SRPK1: variants seen among roughly 807,000 people sequenced by gnomAD.
SRPK1 encodes SRSF protein kinase 1.
Under a neutral mutation model 89.5 loss-of-function variants are expected in SRPK1, and 52 were observed. That is an observed-to-expected ratio of 0.58 (90% CI 0.46 to 0.73). The LOEUF is 0.73. Ranked by LOEUF, SRPK1 falls within the 30% of genes least tolerant of loss-of-function variation. The pLI is 0.00. For missense variants in SRPK1, 603 were observed against 780.6 expected, an observed-to-expected ratio of 0.77 and a Z score of 2.71; for synonymous variants, 255 against 270.2, an observed-to-expected ratio of 0.94 and a Z score of 0.55.
intron 2 of SRPK1, among the ~76,000 whole-genome samples, chr6:35,907,351 TA>T (rs1476946294): frequency 6.6e-6 from 1 of 152,176 alleles, no homozygotes; most frequent in African/African-American, 2.4e-5. Context: ...AGCTATGCTT[TA>T]AAAAAATTAA....
At chr6:35,880,138 A>G (rs1770240597) in intron 6 of SRPK1, among the ~76,000 whole-genome samples, 2 of 151,776 alleles carry the variant, frequency 1.3e-5, no homozygotes, top group African/African-American at 4.8e-5. Context: ...AGAAAACAAT[A>G]TATAAACAAA....
rs1369422853 is a variant in SRPK1 at position 35,910,526 on chromosome 6, A to G, written c.74+9942T>C. Among the ~76,000 whole-genome samples the G allele has an allele frequency of 4.6e-5, 7 of 152,214 alleles. No individual in the cohort carries two copies. The South Asian group carries it at 1.2e-3, about 27-fold the overall frequency. On this transcript the variant is annotated intron_variant, in intron 2 of 15. Transcript: ENST00000373825. ...AAGGTAAAGCAGTGAGTGCTGATGAAAAAGCTGCAGCAAGTTACCTAGATG... is the reference window on the plus strand; with the variant it reads ...AAGGTAAAGCAGTGAGTGCTGATGAGAAAGCTGCAGCAAGTTACCTAGATG...
At chr6:35,884,546 C>T (rs972399260) in intron 6 of SRPK1, among the ~76,000 whole-genome samples, 1 of 152,064 alleles carries the variant, frequency 6.6e-6, no homozygotes, top group Non-Finnish European at 1.5e-5. Flanking sequence ...TGAGTTATAT[C>T]CTTTCAATCT....
intron 10 of SRPK1, 94 bp from the exon 11 acceptor site, chr6:35,869,995 T>A: frequency 7.4e-7 from 1 of 1,346,892 alleles, no homozygotes; most frequent in Non-Finnish European, 1.0e-6. Flanking sequence ...TTTCTAGAAC[T>A]TATACTGAGT....
intron 2 of SRPK1, among the ~76,000 whole-genome samples, chr6:35,898,039 A>G (rs955225724): frequency 1.3e-5 from 2 of 152,240 alleles, no homozygotes; most frequent in Admixed American, 6.5e-5. Context: ...AATGTTTACT[A>G]TATTTGAAAA....
intron 2 of SRPK1, among the ~76,000 whole-genome samples, chr6:35,918,568 A>C (rs1311460694): frequency 6.6e-6 from 1 of 152,226 alleles, no homozygotes; most frequent in African/African-American, 2.4e-5. Context: ...TATTAATTGG[A>C]AACAAATCCA....
rs184261946 is a variant in SRPK1, at chr6:35,895,825, A to T, written c.75-4812T>A. 3 of 152,292 alleles carry T rather than the reference A, an allele frequency of 2.0e-5. No individual in the cohort carries two copies. The East Asian group carries it at 5.8e-4, about 29-fold the overall frequency. 9.4% of individuals were successfully genotyped at this position (152,292 alleles called of 1,614,324 possible). A position where few individuals can be genotyped will look rare whatever the true frequency, so the allele number is the denominator to read the frequency against. ...GTCCAATCACATTTCTACACAGTTG[A>T]CCATGCTTTGTTCATGCCTATCCAA... On this transcript the variant is annotated intron_variant, in intron 2 of 15. Coordinates refer to ENST00000373825, the MANE Select transcript of SRPK1 (RefSeq NM_003137.5).
chr6:35,834,166 AAAC>A lies in SRPK1; in HGVS notation c.*1135_*1137del, dbSNP rs1769124694. ...AAAAATAACGAACCAACCAACCAAA[AAAC>A]AAAACAAAACAAGACCAACAAAAAA... On this transcript the variant is annotated 3_prime_UTR_variant, in exon 16 of 16. Transcript: ENST00000373825. 1 of 152,506 alleles carries A rather than the reference AAAC, an allele frequency of 6.6e-6. No individual in the cohort carries two copies. The highest frequency in any genetic ancestry group is 2.4e-5 in the African/African-American group (1 of 41,408). 9.4% of individuals were successfully genotyped at this position (152,506 alleles called of 1,614,324 possible).
intron 13 of SRPK1, 63 bp from the exon 14 acceptor site, chr6:35,842,667 T>C: frequency 7.7e-7 from 1 of 1,303,894 alleles, no homozygotes; most frequent in Non-Finnish European, 1.1e-6. Flanking sequence ...GGAAAGCTGA[T>C]TGCTATTTGG....
intron 12 of SRPK1, among the ~76,000 whole-genome samples, chr6:35,857,896 C>T (rs1769698771): frequency 2.0e-5 from 3 of 152,124 alleles, no homozygotes; most frequent in African/African-American, 7.2e-5. Context: ...ATCTAGTACC[C>T]TTTGAAGCCC....
In SRPK1 at chr6:35,920,607, G is replaced by T. The variant is rs901955593; in HGVS notation, c.14-79C>A. ...AGGTGAGGGTGGAGACCCAGCAGGG[G>T]CGCCAGGCCCGGCTGCGGGGCCTGC... On this transcript the variant is annotated intron_variant, in intron 1 of 15. Coordinates refer to ENST00000373825, the MANE Select transcript of SRPK1 (RefSeq NM_003137.5). 20 of 1,329,784 alleles carry T rather than the reference G, an allele frequency of 1.5e-5. 1 individual carries two copies. The highest frequency in any genetic ancestry group is 6.0e-5 in the South Asian group (4 of 66,922). The allele number at this position is 1,329,784 out of a possible 1,614,324, so 82.4% of individuals were successfully genotyped here. A position where few individuals can be genotyped will look rare whatever the true frequency, so the allele number is the denominator to read the frequency against.
intron 6 of SRPK1, among the ~76,000 whole-genome samples, chr6:35,879,663 T>C (rs962046930): frequency 1.3e-5 from 2 of 152,164 alleles, no homozygotes; most frequent in Non-Finnish European, 2.9e-5. Flanking sequence ...TCACAAGGCA[T>C]ATGAAGAAAT....
Position 35,869,698 on chromosome 6 carries a change from T to C in SRPK1, c.1195A>G (p.Ser399Gly). 6.2e-7 allele frequency: 1 copy of C among 1,613,894 alleles called. No homozygotes were observed. Residue 399 changes from serine to glycine, a missense_variant, in exon 11 of 16, where the codon AGC (serine) becomes GGC (glycine). Physicochemically the swap from Ser to Gly is moderately conservative, Grantham distance 56 (BLOSUM62 0). Coordinates refer to ENST00000373825, the MANE Select transcript of SRPK1 (RefSeq NM_003137.5). ...QNLNQESSFL[S>G]SQNGDSSTSQ... ...GTGCTGCTGTCTCCATTTTGGGAGCTTAGGAAACTAGATTCCTGATTCAAA... is the reference window on the plus strand; with the variant it reads ...GTGCTGCTGTCTCCATTTTGGGAGCCTAGGAAACTAGATTCCTGATTCAAA...
intron 8 of SRPK1, 81 bp from the exon 9 acceptor site, chr6:35,871,040 AGAATGAAAAG>A: frequency 8.5e-7 from 1 of 1,175,156 alleles, no homozygotes; most frequent in Non-Finnish European, 1.2e-6. Flanking sequence ...ACACTCTACC[AGAATGAAAAG>A]TCTTTCTTAT....
chr6:35,844,059 C>T lies in SRPK1; in HGVS notation c.1621-1455G>A, dbSNP rs1769376166. On this transcript the variant is annotated intron_variant, in intron 13 of 15. Coordinates refer to ENST00000373825, the MANE Select transcript of SRPK1 (RefSeq NM_003137.5). ...TCGCTCTGTCGCCCAGGCTGGAGTG[C>T]AGTGGCACAATCTCGGCTCACTGCA... 4.2e-5 allele frequency among the ~76,000 whole-genome samples: 6 copies of T among 143,448 alleles called. No homozygotes were observed. In the Admixed American group the frequency reaches 4.3e-4, roughly 10 times the overall value. 94.1% of individuals were successfully genotyped at this position (143,448 alleles called of 152,430 possible).
chr6:35,872,822 G>C, intron 7 of SRPK1, 94 bp from the exon 8 acceptor site: 1 of 906,332 alleles, frequency 1.1e-6, no homozygotes, highest in Non-Finnish European at 1.5e-6. Flanking sequence ...AAAAAAAAAA[G>C]ATATGATAGC....
At chr6:35,893,358 G>T (rs1053098551) in intron 2 of SRPK1, among the ~76,000 whole-genome samples, 1 of 152,054 alleles carries the variant, frequency 6.6e-6, no homozygotes, top group African/African-American at 2.4e-5. Context: ...GGTGGTGCGT[G>T]CCTGTAGTCC....
intron 14 of SRPK1, among the ~76,000 whole-genome samples, chr6:35,839,657 C>A (rs1769260603): frequency 6.7e-6 from 1 of 148,470 alleles, no homozygotes; most frequent in Non-Finnish European, 1.5e-5. Flanking sequence ...TTTCTCTCTG[C>A]AGGTGACAGA....
chr6:35,833,312 T>G lies in SRPK1; in HGVS notation c.*1992A>C, dbSNP rs1769101877. 6.6e-6 allele frequency: 1 copy of G among 152,470 alleles called. No homozygotes were observed. Among genetic ancestry groups the G allele is most frequent in the Non-Finnish European group, 1.5e-5 (1 of 68,034 alleles). The allele number at this position is 152,470 out of a possible 1,614,324, so 9.4% of individuals were successfully genotyped here. On this transcript the variant is annotated 3_prime_UTR_variant, in exon 16 of 16. Transcript: ENST00000373825. ...AAAGCCCTTATTTGGTGGAGAAGCA[T>G]TTCCAAAATGAAGTTACAGGTTCTA... is the stretch of plus-strand genomic sequence containing the variant.
Sources: allele counts gnomAD v4.1 joint callset (sites outside exome capture counted in the v4.1 genomes callset), GRCh38; gene constraint gnomAD v4.1.1; transcripts MANE v1.5; gene names NCBI Gene and HGNC (gene_info 2026-07-23, HGNC 2026-07-21).